The following CPNE4 variants were observed in gnomAD, a reference collection of about 807,000 sequenced individuals.
CPNE4 encodes the protein copine 4.
A neutral mutation model predicts 67.9 loss-of-function variants in CPNE4; 25 were observed. The ratio of observed to expected loss-of-function variants is 0.37; its 90% CI spans 0.27 to 0.51. The LOEUF (loss-of-function observed/expected upper bound fraction) is 0.51. CPNE4 is among the 20% of genes least tolerant of loss of function. The pLI, the probability that CPNE4 is intolerant of heterozygous loss-of-function variation, is 0.93. For missense variants in CPNE4, 464 were observed against 690.8 expected, an observed-to-expected ratio of 0.67 and a Z score of 3.68; for synonymous variants, 242 against 244.9, an observed-to-expected ratio of 0.99 and a Z score of 0.11.
rs193186574 is a variant in CPNE4, at chr3:131,993,810, G to A, written c.-2+40757C>T. ...CAGTAAGACAGTCCCATTCAATATC[G>A]GAGTAGAGATCTTTACTAGTGCAAA... is the stretch of plus-strand genomic sequence containing the variant. On this transcript the variant is annotated intron_variant, in intron 1 of 15. Coordinates refer to ENST00000429747, the MANE Select transcript of CPNE4 (RefSeq NM_130808.3). 2.2e-4 allele frequency among the ~76,000 whole-genome samples: 30 copies of A among 135,724 alleles called. 10 individuals carry two copies. Among genetic ancestry groups the A allele is most frequent in the Admixed American group, 1.3e-3 (16 of 12,024 alleles). 89.0% of individuals were successfully genotyped at this position (135,724 alleles called of 152,430 possible). A position where few individuals can be genotyped will look rare whatever the true frequency, so the allele number is the denominator to read the frequency against.
chr3:131,725,686 C>A (rs1300275882), intron 2 of CPNE4, among the ~76,000 whole-genome samples: 1 of 152,212 alleles, frequency 6.6e-6, no homozygotes, highest in East Asian at 1.9e-4. Flanking sequence ...TGGTAGTCTG[C>A]AGGGATAAGC....
At position 131,542,712 on chromosome 3, in the gene CPNE4, G is replaced by A. The variant is rs765820001; in HGVS notation, c.1384C>T (p.His462Tyr). ...DTREAIVHAS[H>Y]LPMSVIIVGV... ...ACGATGATGACTGACATGGGGAGGTGGGAGGCATGGACAATGGCCTCCCGG... is the reference window on the plus strand; with the variant it reads ...ACGATGATGACTGACATGGGGAGGTAGGAGGCATGGACAATGGCCTCCCGG... Residue 462 changes from histidine to tyrosine, a missense_variant, in exon 15 of 16, where the codon CAC (histidine) becomes TAC (tyrosine). His to Tyr is a moderately conservative substitution (Grantham distance 83, BLOSUM62 2). This residue lies in a region of CPNE4 where 201 missense variants were observed against 357.7 expected (regional missense o/e 0.56). Transcript: ENST00000429747. The A allele has an allele frequency of 3.8e-5, 62 of 1,613,902 alleles. No individual in the cohort carries two copies.
At chr3:131,768,655 G>A (rs77027662) in intron 2 of CPNE4, among the ~76,000 whole-genome samples, 7,689 of 152,182 alleles carry the variant, frequency 0.051, 244 homozygotes, top group African/African-American at 0.089. Flanking sequence ...ATCAGCTGTT[G>A]AAAGATTTTG....
At chr3:131,850,237 C>G (rs1042468666) in intron 2 of CPNE4, among the ~76,000 whole-genome samples, 6 of 151,978 alleles carry the variant, frequency 3.9e-5, no homozygotes, top group African/African-American at 1.5e-4. Context: ...AAAATGCTCT[C>G]TAAGGGTTTT....
chr3:131,839,556 C>T (rs951703464), intron 2 of CPNE4, among the ~76,000 whole-genome samples: 1 of 151,364 alleles, frequency 6.6e-6, no homozygotes, highest in African/African-American at 2.4e-5. Context: ...TTTTATATAT[C>T]AATATATTAA....
intron 11 of CPNE4, among the ~76,000 whole-genome samples, chr3:131,556,226 T>G (rs1484380948): frequency 6.6e-6 from 1 of 151,892 alleles, no homozygotes; most frequent in Non-Finnish European, 1.5e-5. Flanking sequence ...ATACAAAAAT[T>G]AGCTGGGCAT....
chr3:131,850,569 A>T (rs916546927), intron 2 of CPNE4, among the ~76,000 whole-genome samples: 1 of 152,096 alleles, frequency 6.6e-6, no homozygotes, highest in Non-Finnish European at 1.5e-5. Flanking sequence ...GCAAGGAGCT[A>T]TTACAGCTAT....
intron 1 of CPNE4, among the ~76,000 whole-genome samples, chr3:131,912,773 G>A (rs925091438): frequency 2.5e-4 from 38 of 152,148 alleles, no homozygotes; most frequent in African/African-American, 2.4e-5. Context: ...CTGGAGCAGT[G>A]CATCTCAGAC....
chr3:131,635,209 C>T (rs1007779401), intron 7 of CPNE4, among the ~76,000 whole-genome samples: 1 of 152,060 alleles, frequency 6.6e-6, no homozygotes. Context: ...GGAAAACCTG[C>T]GGGTCATAGA....
chr3:131,864,331 C>G (rs528856649), intron 2 of CPNE4, among the ~76,000 whole-genome samples: 9 of 152,076 alleles, frequency 5.9e-5, no homozygotes, highest in Non-Finnish European at 1.3e-4. Context: ...ATTCTTCCTA[C>G]CCATGATCAT....
intron 7 of CPNE4, among the ~76,000 whole-genome samples, chr3:131,669,341 C>T (rs1049269466): frequency 6.6e-6 from 1 of 152,160 alleles, no homozygotes; most frequent in Admixed American, 6.5e-5. Flanking sequence ...TTGCATTATT[C>T]TGTTATATAA....
At chr3:131,971,298 T>C (rs955379072) in intron 1 of CPNE4, among the ~76,000 whole-genome samples, 1 of 152,218 alleles carries the variant, frequency 6.6e-6, no homozygotes, top group African/African-American at 2.4e-5. Flanking sequence ...TTGTAAGTCC[T>C]AGAACATCAC....
intron 1 of CPNE4, among the ~76,000 whole-genome samples, chr3:131,974,931 C>T (rs879579287): frequency 3.9e-5 from 6 of 152,068 alleles, no homozygotes; most frequent in Non-Finnish European, 8.8e-5. Flanking sequence ...TGGCTTGAGC[C>T]TGGGAGGTGG....
chr3:131,780,374 G>T (rs967920968), intron 2 of CPNE4, among the ~76,000 whole-genome samples: 11 of 152,092 alleles, frequency 7.2e-5, no homozygotes, highest in African/African-American at 2.7e-4. Context: ...AAAGACACAT[G>T]CATGCTTGTT....
chr3:131,581,379 C>G (rs971307688), intron 9 of CPNE4, among the ~76,000 whole-genome samples, 200 bp downstream of exon 9: 8 of 152,224 alleles, frequency 5.3e-5, no homozygotes, highest in Non-Finnish European at 1.0e-4. Context: ...GGGGAGAGGA[C>G]AGTGACACTG....
chr3:131,545,829 C>G (rs2107635517), intron 14 of CPNE4, among the ~76,000 whole-genome samples: 1 of 152,268 alleles, frequency 6.6e-6, no homozygotes. Flanking sequence ...TTTGGAAGGC[C>G]TAGGTGGGCG....
intron 3 of CPNE4, 144 bp downstream of exon 3, chr3:131,723,302 C>G (rs2081931612): frequency 2.9e-6 from 2 of 692,706 alleles, no homozygotes; most frequent in African/African-American, 3.6e-5. Flanking sequence ...TATGACACCA[C>G]CTGGGAAGTT....
intron 1 of CPNE4, among the ~76,000 whole-genome samples, chr3:131,916,525 T>C (rs2107799809): frequency 6.6e-6 from 1 of 152,322 alleles, no homozygotes; most frequent in South Asian, 2.1e-4. Flanking sequence ...ACTTTTTTAA[T>C]TGACATGCTT....
At chr3:131,983,672 C>T (rs1335016335) in intron 1 of CPNE4, among the ~76,000 whole-genome samples, 2 of 152,120 alleles carry the variant, frequency 1.3e-5, no homozygotes, top group African/African-American at 4.8e-5. Flanking sequence ...GATTTGAGAA[C>T]AAGCAAAGAT....
Sources: allele counts gnomAD v4.1 joint callset (sites outside exome capture counted in the v4.1 genomes callset), GRCh38; gene constraint gnomAD v4.1.1; regional missense constraint gnomAD v4.1.1; transcripts MANE v1.5; gene names NCBI Gene and HGNC (gene_info 2026-07-23, HGNC 2026-07-21).